BAG3: variants seen among roughly 807,000 people sequenced by gnomAD.
BAG3 encodes the protein BAG cochaperone 3.
In BAG3, 14 loss-of-function variants were observed where a neutral mutation model predicts 40.5. That is an observed-to-expected ratio of 0.35 (90% CI 0.23 to 0.54). BAG3 has a LOEUF of 0.54. BAG3 is among the 20% of genes least tolerant of loss of function. The probability of loss-of-function intolerance (pLI) is 0.91; values close to 1 mark genes in which losing one functional copy is unlikely to be tolerated. For synonymous variants in BAG3, 302 were observed against 307.8 expected (o/e 0.98, Z 0.20); for missense variants, 788 against 758.6 (o/e 1.04, Z -0.46).
intron 1 of BAG3, among the ~76,000 whole-genome samples, chr10:119,663,818 AT>A (rs778455822): frequency 6.6e-6 from 1 of 152,180 alleles, no homozygotes; most frequent in Non-Finnish European, 1.5e-5. Context: ...GGAACTTTCC[AT>A]CATCGTTTTT....
chr10:119,651,617 C>T lies in BAG3; in HGVS notation c.-59C>T, dbSNP rs1371399136. 10 of 1,423,538 alleles carry T rather than the reference C, an allele frequency of 7.0e-6. No homozygotes were observed. Among genetic ancestry groups the T allele is most frequent in the Non-Finnish European group, 9.2e-7 (1 of 1,082,430 alleles). The allele number at this position is 1,423,538 out of a possible 1,614,324, so 88.2% of individuals were successfully genotyped here. On this transcript the variant is annotated 5_prime_UTR_variant, in exon 1 of 4. Transcript: ENST00000369085. ...CCCACGGCGGCGGCCCGGCCAGAGA[C>T]TCGGCGCCCGGAGCCAGCGCCCCGC...
At position 119,672,413 on chromosome 10, in the gene BAG3, G is replaced by T. The variant is rs1483153986; in HGVS notation, c.666G>T (p.Gln222His). ...AGAACGTTACCCGGCCAGCAGCCCA[G>T]CCCTCCTTCCACCAAGCCCAGAAGA... ...HEQNVTRPAA[Q>H]PSFHQAQKTH... is the part of the protein sequence containing the mutation. Residue 222 changes from glutamine (Q) to histidine (H), a missense_variant, in exon 3 of 4, where the codon CAG becomes CAT. Transcript: ENST00000369085. The surrounding 1 kb of genome is among the most constrained non-coding windows in gnomAD (Gnocchi z 4.8). 1.2e-6 allele frequency: 2 copies of T among 1,614,052 alleles called. No homozygotes were observed. The highest frequency in any genetic ancestry group is 2.7e-5 in the African/African-American group (2 of 74,930).
intron 1 of BAG3, among the ~76,000 whole-genome samples, chr10:119,662,216 T>C (rs1403958918): frequency 5.0e-5 from 2 of 39,784 alleles, no homozygotes; most frequent in Admixed American, 2.4e-4. Flanking sequence ...CCTGGCTATG[T>C]TTTTTTTTTG....
At chr10:119,662,636 A>G (rs1347949896) in intron 1 of BAG3, among the ~76,000 whole-genome samples, 1 of 152,148 alleles carries the variant, frequency 6.6e-6, no homozygotes, top group African/African-American at 2.4e-5. Flanking sequence ...GACAGCCCTA[A>G]GAGTTGCCTT....
intron 1 of BAG3, among the ~76,000 whole-genome samples, chr10:119,657,127 T>A (rs1213177533): frequency 7.9e-5 from 12 of 152,174 alleles, no homozygotes. Context: ...GGCCTGTTTC[T>A]TGAACCTGGG....
At chr10:119,655,278 G>A (rs1201591051) in intron 1 of BAG3, among the ~76,000 whole-genome samples, 2 of 152,176 alleles carry the variant, frequency 1.3e-5, no homozygotes, top group Non-Finnish European at 2.9e-5. Context: ...TGGCAGGGTG[G>A]CTGGCAGTGC....
rs769467386 is a variant in BAG3 at position 119,676,693 on chromosome 10, C to T, written c.1139C>T (p.Pro380Leu). Residue 380 changes from proline (P) to leucine (L), a missense_variant, in exon 4 of 4, where the codon CCT becomes CTT. Physicochemically the swap from Pro to Leu is moderately conservative, Grantham distance 98. Transcript: ENST00000369085. Reference protein sequence around the residue: ...PVPCPPPSPGPSAVPSSPKSV... With the variant: ...PVPCPPPSPGLSAVPSSPKSV... ...CCTTGTCCTCCTCCCAGCCCTGGCC[C>T]TTCTGCTGTCCCCTCTTCCCCCAAG... is the stretch of plus-strand genomic sequence containing the variant. 1.2e-6 allele frequency: 2 copies of T among 1,614,042 alleles called. No individual in the cohort carries two copies. The highest frequency in any genetic ancestry group is 1.6e-4 in the Middle Eastern group (1 of 6,084).
chr10:119,670,900 T>C (rs1265604950), intron 2 of BAG3, among the ~76,000 whole-genome samples: 1 of 152,210 alleles, frequency 6.6e-6, no homozygotes, highest in Non-Finnish European at 1.5e-5. Context: ...CATCATCCTG[T>C]GGTGTGTGCC....
intron 1 of BAG3, chr10:119,657,573 GT>G (rs1309233931): frequency 4.2e-6 from 2 of 471,000 alleles, no homozygotes; most frequent in Non-Finnish European, 8.8e-6. Flanking sequence ...ATGCAGGTGT[GT>G]CCCGGGAAGC....
Position 119,676,679 on chromosome 10 carries a change from T to C in BAG3, c.1125T>C (p.Pro375=), listed in dbSNP as rs1847240164. 20 of 1,614,142 alleles carry C rather than the reference T, an allele frequency of 1.2e-5. No homozygotes were observed. Among genetic ancestry groups the C allele is most frequent in the Non-Finnish European group, 1.7e-5 (20 of 1,180,032 alleles). ...CCCCTGCTCCAGTTCCTTGTCCTCC[T>C]CCCAGCCCTGGCCCTTCTGCTGTCC... ...KVPPAPVPCP[P]PSPGPSAVPS... Residue 375 remains proline (P), a synonymous_variant, in exon 4 of 4, where the codon CCT becomes CCC. Transcript: ENST00000369085.
intron 1 of BAG3, among the ~76,000 whole-genome samples, chr10:119,662,866 T>G (rs1033920401): frequency 2.0e-5 from 3 of 152,124 alleles, no homozygotes; most frequent in African/African-American, 7.2e-5. Context: ...CACACACAAA[T>G]TAGCTGGGCA....
At chr10:119,658,790 A>G (rs952609930) in intron 1 of BAG3, among the ~76,000 whole-genome samples, 2 of 152,160 alleles carry the variant, frequency 1.3e-5, no homozygotes, top group Non-Finnish European at 2.9e-5. Flanking sequence ...TGGGCATAGC[A>G]ACACTTCTGT....
intron 1 of BAG3, among the ~76,000 whole-genome samples, chr10:119,669,233 G>A (rs889615914): frequency 1.3e-5 from 2 of 152,164 alleles, no homozygotes; most frequent in African/African-American, 2.4e-5. Flanking sequence ...ATCGTTAGGC[G>A]ACACAGTTAA....
intron 1 of BAG3, among the ~76,000 whole-genome samples, chr10:119,654,069 C>T (rs1442060771): frequency 1.3e-5 from 2 of 152,188 alleles, no homozygotes; most frequent in Non-Finnish European, 2.9e-5. Flanking sequence ...TAACATTCAG[C>T]CCATGAGCTG....
At chr10:119,655,812 C>T (rs1846901933) in intron 1 of BAG3, among the ~76,000 whole-genome samples, 1 of 152,152 alleles carries the variant, frequency 6.6e-6, no homozygotes, top group South Asian at 2.1e-4. Flanking sequence ...GACTGCACCT[C>T]CGAGAACATC....
At position 119,677,006 on chromosome 10, in the gene BAG3, C is replaced by G; in HGVS notation, c.1452C>G (p.Val484=). The G allele has an allele frequency of 6.2e-7, 1 of 1,614,198 alleles. No individual in the cohort carries two copies. The highest frequency in any genetic ancestry group is 1.7e-5 in the Admixed American group (1 of 60,018). Residue 484 remains valine (V), a synonymous_variant, in exon 4 of 4, where the codon GTC becomes GTG. Transcript: ENST00000369085. ...TGCGTCAGGCCAGGAGAGACGGTGTCAGGAAGGTTCAGACCATCTTGGAAA... is the reference window on the plus strand; with the variant it reads ...TGCGTCAGGCCAGGAGAGACGGTGTGAGGAAGGTTCAGACCATCTTGGAAA... ...ADVRQARRDG[V]RKVQTILEKL...
At chr10:119,669,769 CA>C in intron 1 of BAG3, 81 bp from the exon 2 acceptor site, 1 of 1,398,062 alleles carries the variant, frequency 7.2e-7, no homozygotes, top group Non-Finnish European at 1.0e-6. Flanking sequence ...ATCACAATGC[CA>C]AGCGCCACAG....
chr10:119,676,451 G>A lies in BAG3; in HGVS notation c.910-13G>A. 6.2e-7 allele frequency: 1 copy of A among 1,613,154 alleles called. No individual in the cohort carries two copies. Among genetic ancestry groups the A allele is most frequent in the East Asian group, 2.2e-5 (1 of 44,866 alleles). On this transcript the variant is annotated splice_polypyrimidine_tract_variant and intron_variant, in intron 3 of 3. Coordinates refer to ENST00000369085, the MANE Select transcript of BAG3 (RefSeq NM_004281.4). ...TCAGTTATTAAAAATATATTTTTGTGTCCTTTTTTCAGCAGCCCATGACCC... is the reference window on the plus strand; with the variant it reads ...TCAGTTATTAAAAATATATTTTTGTATCCTTTTTTCAGCAGCCCATGACCC...
intron 1 of BAG3, 120 bp from the exon 2 acceptor site, chr10:119,669,731 C>A: frequency 9.6e-7 from 1 of 1,046,704 alleles, no homozygotes; most frequent in Non-Finnish European, 1.5e-6. Flanking sequence ...AGCTGGCTGA[C>A]GCTTTGAGGC....
Sources: allele counts gnomAD v4.1 joint callset (sites outside exome capture counted in the v4.1 genomes callset), GRCh38; gene constraint gnomAD v4.1.1; non-coding constraint Gnocchi (gnomAD v3.1); transcripts MANE v1.5; gene names NCBI Gene and HGNC (gene_info 2026-07-23, HGNC 2026-07-21).